The following KIF1B variants were observed in gnomAD, a reference collection of about 807,000 sequenced individuals.
KIF1B encodes the protein kinesin family member 1B, also known as kinesin-like protein KIF1B.
Under a neutral mutation model 241.9 loss-of-function variants are expected in KIF1B, and 76 were observed. The ratio of observed to expected loss-of-function variants is 0.31; its 90% confidence interval spans 0.26 to 0.38. The LOEUF is 0.38. Among genes scored for constraint, KIF1B ranks in the 10% least tolerant of loss-of-function variants. KIF1B has a pLI of 1.00. For missense variants in KIF1B, 1,622 were observed against 2,271.4 expected (o/e 0.71, Z 5.81); for synonymous variants, 750 against 796.7 (o/e 0.94, Z 0.99).
chr1:10,286,499 A>C (rs1278828946), intron 15 of KIF1B, among the ~76,000 whole-genome samples: 1 of 152,254 alleles, frequency 6.6e-6, no homozygotes, highest in Non-Finnish European at 1.5e-5. Flanking sequence ...ATGCTGTGCT[A>C]AGCAGCCCAA....
chr1:10,238,299 T>G (rs1647084297), intron 2 of KIF1B, among the ~76,000 whole-genome samples: 1 of 146,642 alleles, frequency 6.8e-6, no homozygotes, highest in Non-Finnish European at 1.5e-5. Context: ...GAGAATAACT[T>G]GAATCTGGGA....
intron 22 of KIF1B, chr1:10,299,060 G>T (rs1220380023): frequency 8.1e-6 from 1 of 123,028 alleles, no homozygotes; most frequent in Non-Finnish European, 1.7e-5. Flanking sequence ...TTCGTGAAGC[G>T]TTCCATATTT....
Position 10,276,419 on chromosome 1 carries a change from G to GT in KIF1B, c.1037+21dup. 1 of 1,580,734 alleles carries GT rather than the reference G, an allele frequency of 6.3e-7. No homozygotes were observed. Among genetic ancestry groups the GT allele is most frequent in the Non-Finnish European group, 8.7e-7 (1 of 1,150,620 alleles). On this transcript the variant is annotated intron_variant, in intron 12 of 48. Transcript: ENST00000676179. ...TCTGAGGTACTTTCTTTTGATCTCA[G>GT]TAACAACATAGACCACATTGCCATC...
intron 2 of KIF1B, among the ~76,000 whole-genome samples, chr1:10,242,816 A>G (rs1647156478): frequency 6.6e-6 from 1 of 152,128 alleles, no homozygotes; most frequent in African/African-American, 2.4e-5. Context: ...CGCCTGGCCT[A>G]TTAATATAAT....
chr1:10,367,061 TA>T (rs1303414927), intron 43 of KIF1B, among the ~76,000 whole-genome samples: 1 of 152,132 alleles, frequency 6.6e-6, no homozygotes, highest in African/African-American at 2.4e-5. Context: ...TTATCTTTAT[TA>T]CAGTAATCTG....
intron 11 of KIF1B, 102 bp downstream of exon 11, chr1:10,275,605 T>C (rs1649057284): frequency 2.5e-6 from 2 of 785,630 alleles, no homozygotes; most frequent in Admixed American, 1.7e-5. Flanking sequence ...TCTCTAGATA[T>C]TCATGTTACT....
chr1:10,262,058 A>G, intron 5 of KIF1B, 88 bp downstream of exon 5: 1 of 877,848 alleles, frequency 1.1e-6, no homozygotes, highest in Non-Finnish European at 1.9e-6. Context: ...TGACTGTGGT[A>G]CACATCACTT....
chr1:10,246,362 T>C (rs75515757), intron 2 of KIF1B, among the ~76,000 whole-genome samples: 2,838 of 152,312 alleles, frequency 0.019, 39 homozygotes, highest in Non-Finnish European at 0.028. Context: ...CTTTTTGCCA[T>C]TTCTACTCTA....
At chr1:10,276,452 A>G in intron 12 of KIF1B, 53 bp downstream of exon 12, 1 of 1,205,070 alleles carries the variant, frequency 8.3e-7, no homozygotes, top group East Asian at 2.4e-5. Context: ...ATCAGAAGCC[A>G]TTTTGTGATA....
At chr1:10,366,355 C>G (rs1378768385) in intron 43 of KIF1B, among the ~76,000 whole-genome samples, 2 of 152,142 alleles carry the variant, frequency 1.3e-5, no homozygotes, top group Non-Finnish European at 2.9e-5. Flanking sequence ...GGAGAAGTGT[C>G]TATGGTGGGG....
intron 22 of KIF1B, chr1:10,304,409 C>G: frequency 6.8e-6 from 11 of 1,614,084 alleles, no homozygotes; most frequent in Non-Finnish European, 8.5e-6. Context: ...TCATTAAACT[C>G]CCACAGTGGT....
intron 28 of KIF1B, among the ~76,000 whole-genome samples, chr1:10,335,641 G>GT (rs1374535443): frequency 6.6e-6 from 1 of 150,956 alleles, no homozygotes; most frequent in Non-Finnish European, 1.5e-5. Flanking sequence ...TTGTTTGTTT[G>GT]TTTTTTTCTC....
chr1:10,321,476 G>A (rs1411566627), intron 23 of KIF1B, among the ~76,000 whole-genome samples: 1 of 151,682 alleles, frequency 6.6e-6, no homozygotes, highest in Non-Finnish European at 1.5e-5. Flanking sequence ...TTTCTTTGTT[G>A]TACTATTTTA....
At chr1:10,250,513 A>G (rs1647378482) in intron 2 of KIF1B, among the ~76,000 whole-genome samples, 1 of 152,022 alleles carries the variant, frequency 6.6e-6, no homozygotes, top group South Asian at 2.1e-4. Context: ...TAATTTTTGT[A>G]AATACAGTAT....
At position 10,374,613 on chromosome 1, in the gene KIF1B, GCCAGC is replaced by G; in HGVS notation, c.5096+150_5096+154del. On this transcript the variant is annotated intron_variant, in intron 46 of 48. Coordinates refer to ENST00000676179, the MANE Select transcript of KIF1B (RefSeq NM_001365951.3). This position sits in a 1 kb window ranked among gnomAD's most constrained non-coding sequence, Gnocchi z 4.3. The stretch of plus-strand genomic sequence containing the variant: ...TGCAAGTTGAGTCTGGGGTGAGAGG[GCCAGC>G]CTGGGTTTCTCCAGTTGGGTCTCAT... The G allele has an allele frequency of 1.9e-6, 2 of 1,045,804 alleles. No homozygotes were observed. The highest frequency in any genetic ancestry group is 3.8e-5 in the Admixed American group (2 of 52,032). The allele number at this position is 1,045,804 out of a possible 1,614,324, so 64.8% of individuals were successfully genotyped here. A position where few individuals can be genotyped will look rare whatever the true frequency, so the allele number is the denominator to read the frequency against.
intron 3 of KIF1B, among the ~76,000 whole-genome samples, chr1:10,257,008 G>C (rs114477446): frequency 0.019 from 2,844 of 152,050 alleles, 41 homozygotes; most frequent in Non-Finnish European, 0.028. Flanking sequence ...CACTGTGCCT[G>C]GCTGGAAATG....
Position 10,379,959 on chromosome 1 carries a change from T to TGG in KIF1B, c.*3373_*3374dup, listed in dbSNP as rs1638981281. On this transcript the variant is annotated 3_prime_UTR_variant, in exon 49 of 49. Transcript: ENST00000676179. ...TAAACGTGCTGACGGCAAGGGGCAA[T>TGG]GGAGTGAGTTTCCCAACTAAGAAAC... The TGG allele has an allele frequency of 4.4e-6, 1 of 229,606 alleles. No individual in the cohort carries two copies. Among genetic ancestry groups the TGG allele is most frequent in the Non-Finnish European group, 8.7e-6 (1 of 115,586 alleles). 14.2% of individuals were successfully genotyped at this position (229,606 alleles called of 1,614,324 possible). A position where few individuals can be genotyped will look rare whatever the true frequency, so the allele number is the denominator to read the frequency against.
chr1:10,232,320 G>A lies in KIF1B; in HGVS notation c.-9G>A, dbSNP rs370260908. ...GGACTGCATATATATATATAACAAGGCCATTAAAATGTCGGGAGCCTCAGT... is the reference window on the plus strand; with the variant it reads ...GGACTGCATATATATATATAACAAGACCATTAAAATGTCGGGAGCCTCAGT... On this transcript the variant is annotated 5_prime_UTR_variant, in exon 2 of 49. Transcript: ENST00000676179. 7.2e-5 allele frequency: 113 copies of A among 1,575,200 alleles called. No individual in the cohort carries two copies. The highest frequency in any genetic ancestry group is 9.8e-5 in the Non-Finnish European group (112 of 1,145,768).
At chr1:10,241,062 T>C (rs1177206685) in intron 2 of KIF1B, among the ~76,000 whole-genome samples, 2 of 152,198 alleles carry the variant, frequency 1.3e-5, no homozygotes, top group Non-Finnish European at 2.9e-5. Flanking sequence ...TGAAATCATG[T>C]ATACTATATA....
Sources: gnomAD v4.1 joint callset for allele counts (sites outside exome capture counted in the v4.1 genomes callset) on GRCh38, gnomAD v4.1.1 for gene constraint, Gnocchi (gnomAD v3.1) non-coding constraint, MANE v1.5 for transcripts, NCBI Gene and HGNC (gene_info 2026-07-23, HGNC 2026-07-21) for gene names.